Variants in GUCY1A2 observed in about 807,000 individuals in gnomAD.
The protein encoded by GUCY1A2 is guanylate cyclase 1 soluble subunit alpha 2.
Under a neutral mutation model 63.5 loss-of-function variants are expected in GUCY1A2, and 27 were observed. That is an observed-to-expected ratio of 0.43 (90% confidence interval 0.31 to 0.59). The LOEUF is 0.59. Ranked by LOEUF, GUCY1A2 falls within the 20% of genes least tolerant of loss-of-function variation. The pLI is 0.11. For missense variants in GUCY1A2, 768 were observed against 913.3 expected (o/e 0.84, Z 2.05); for synonymous variants, 364 against 343.5 (o/e 1.06, Z -0.66).
chr11:106,787,838 A>G (rs1056057438), intron 5 of GUCY1A2, among the ~76,000 whole-genome samples: 1 of 152,016 alleles, frequency 6.6e-6, no homozygotes, highest in African/African-American at 2.4e-5. Flanking sequence ...GGGTACTACA[A>G]TAAACATGGG....
chr11:106,754,930 G>A (rs1863947371), intron 6 of GUCY1A2, among the ~76,000 whole-genome samples: 1 of 152,120 alleles, frequency 6.6e-6, no homozygotes, highest in Non-Finnish European at 1.5e-5. Context: ...AGAAGGAATG[G>A]TACCAGCTCC....
At chr11:106,998,422 C>T (rs563765772) in intron 1 of GUCY1A2, among the ~76,000 whole-genome samples, 2 of 152,244 alleles carry the variant, frequency 1.3e-5, no homozygotes, top group South Asian at 4.1e-4. Flanking sequence ...CTTGCTCTAC[C>T]ATTCAGCTTT....
chr11:106,726,152 C>T (rs752776706), intron 6 of GUCY1A2, among the ~76,000 whole-genome samples: 17 of 152,268 alleles, frequency 1.1e-4, no homozygotes, highest in African/African-American at 7.2e-5. Context: ...TGGTGGTTCA[C>T]GCCTGTAATC....
intron 6 of GUCY1A2, among the ~76,000 whole-genome samples, chr11:106,740,764 C>T (rs957108515): frequency 8.0e-5 from 12 of 150,850 alleles, no homozygotes; most frequent in African/African-American, 2.9e-4. Flanking sequence ...ACCTCCGCCT[C>T]CTGGGTTCAA....
chr11:106,915,184 G>C (rs1373950832), intron 4 of GUCY1A2, among the ~76,000 whole-genome samples: 1 of 152,080 alleles, frequency 6.6e-6, no homozygotes, highest in Non-Finnish European at 1.5e-5. Flanking sequence ...GAGAAAGAAT[G>C]AAGGTAAAAT....
At chr11:106,973,206 A>C (rs2120101761) in intron 3 of GUCY1A2, among the ~76,000 whole-genome samples, 1 of 152,248 alleles carries the variant, frequency 6.6e-6, no homozygotes, top group South Asian at 2.1e-4. Flanking sequence ...GAAATCAACA[A>C]CATCAGAAAC....
chr11:106,952,742 G>A (rs1271527246), intron 3 of GUCY1A2, among the ~76,000 whole-genome samples: 2 of 151,978 alleles, frequency 1.3e-5, no homozygotes, highest in African/African-American at 4.8e-5. Context: ...CTGGGTTCAA[G>A]TGATTTTCCT....
chr11:106,902,607 A>C (rs534708094), intron 4 of GUCY1A2, among the ~76,000 whole-genome samples: 125 of 152,300 alleles, frequency 8.2e-4, no homozygotes, highest in African/African-American at 3.0e-3. Context: ...CTATATCAAC[A>C]CATGCTGCTG....
chr11:106,909,150 T>C (rs1218332951), intron 4 of GUCY1A2, among the ~76,000 whole-genome samples: 1 of 151,918 alleles, frequency 6.6e-6, no homozygotes, highest in Non-Finnish European at 1.5e-5. Flanking sequence ...TATAATAAAT[T>C]TTGTGCACTA....
At chr11:106,829,205 A>G (rs1859018434) in intron 4 of GUCY1A2, among the ~76,000 whole-genome samples, 1 of 152,238 alleles carries the variant, frequency 6.6e-6, no homozygotes, top group Admixed American at 6.5e-5. Context: ...ATCGTCCTGC[A>G]GTGGTGTGGA....
At chr11:106,934,818 G>C (rs2119956639) in intron 4 of GUCY1A2, among the ~76,000 whole-genome samples, 1 of 152,148 alleles carries the variant, frequency 6.6e-6, no homozygotes, top group South Asian at 2.1e-4. Flanking sequence ...TGCTATTAAA[G>C]TTCTCTCAAG....
At chr11:106,757,744 C>A (rs1185620544) in intron 6 of GUCY1A2, among the ~76,000 whole-genome samples, 1 of 152,144 alleles carries the variant, frequency 6.6e-6, no homozygotes, top group Non-Finnish European at 1.5e-5. Context: ...AGAGGGGCAC[C>A]CATGAGATGC....
At chr11:106,931,566 T>C (rs1303223840) in intron 4 of GUCY1A2, among the ~76,000 whole-genome samples, 1 of 77,392 alleles carries the variant, frequency 1.3e-5, no homozygotes, top group African/African-American at 5.0e-5. Context: ...TTATTCATAA[T>C]AGCCAAAATC....
intron 4 of GUCY1A2, among the ~76,000 whole-genome samples, chr11:106,923,331 C>T (rs1018390830): frequency 1.1e-4 from 17 of 152,308 alleles, no homozygotes; most frequent in African/African-American, 3.1e-4. Context: ...TTAGATCGCT[C>T]GCTTAGCAAA....
Position 106,939,583 on chromosome 11 carries a change from C to T in GUCY1A2, c.1083G>A (p.Glu361=), listed in dbSNP as rs762464865. The change falls in exon 4 of 8, where the codon GAG becomes GAA. Residue 361 remains glutamate (E), a synonymous_variant. Transcript: ENST00000526355. ...TTGGAGATACAATCTCGAAGCAGTC[C>T]TCAAACTTGAGCACTTTGTGAGTGT... ...RCDTHKVLKF[E]DCFEIVSPKV... The T allele has an allele frequency of 1.2e-6, 2 of 1,613,648 alleles. No homozygotes were observed. Among genetic ancestry groups the T allele is most frequent in the African/African-American group, 1.3e-5 (1 of 74,912 alleles).
chr11:106,839,280 A>G (rs1048221386), intron 4 of GUCY1A2, among the ~76,000 whole-genome samples: 1 of 151,918 alleles, frequency 6.6e-6, no homozygotes. Flanking sequence ...AAGATCAGAT[A>G]GTTGTAGATG....
chr11:106,985,831 GA>G (rs892119418), intron 2 of GUCY1A2, among the ~76,000 whole-genome samples: 3 of 151,592 alleles, frequency 2.0e-5, no homozygotes, highest in Admixed American at 6.6e-5. Context: ...AGAAGACTGA[GA>G]AAAAAAAGAA....
intron 4 of GUCY1A2, among the ~76,000 whole-genome samples, chr11:106,924,913 G>A (rs1442856046): frequency 1.3e-5 from 2 of 152,038 alleles, no homozygotes; most frequent in African/African-American, 4.8e-5. Context: ...CCTGAGGTGG[G>A]AGAAATCACC....
At chr11:106,828,005 G>C in intron 4 of GUCY1A2, 2 of 682,030 alleles carry the variant, frequency 2.9e-6, no homozygotes, top group Admixed American at 2.6e-5. Context: ...CAGAGAATCC[G>C]ACCTACGGGT....
Sources: allele counts gnomAD v4.1 joint callset (sites outside exome capture counted in the v4.1 genomes callset), GRCh38; gene constraint gnomAD v4.1.1; transcripts MANE v1.5; gene names NCBI Gene and HGNC (gene_info 2026-07-23, HGNC 2026-07-21).